The following FBXL7 variants were observed in gnomAD, a reference collection of about 807,000 sequenced individuals.
The protein encoded by FBXL7 is F-box/LRR-repeat protein 7.
A neutral mutation model predicts 38.3 loss-of-function variants in FBXL7; 12 were observed. The ratio of observed to expected loss-of-function variants is 0.31; its 90% CI spans 0.20 to 0.51. The LOEUF (loss-of-function observed/expected upper bound fraction) is 0.51. Among genes scored for constraint, FBXL7 ranks in the 20% least tolerant of loss-of-function variants. The probability of loss-of-function intolerance (pLI) is 0.98; values close to 1 mark genes in which losing one functional copy is unlikely to be tolerated. For synonymous variants in FBXL7, 297 were observed against 300.9 expected, an observed-to-expected ratio of 0.99 and a Z score of 0.13; for missense variants, 567 against 676.4, an observed-to-expected ratio of 0.84 and a Z score of 1.79.
rs1182454864 is a variant in FBXL7 at position 15,649,748 on chromosome 5, GTCTT to G, written c.127+33680_127+33683del. ...TCACCTCAGTGCCCATCTTGTACCT[GTCTT>G]TCTGTTTTCACTTGTTCATTGCTCA... On this transcript the variant is annotated intron_variant, in intron 2 of 3. Transcript: ENST00000504595. 6.1e-5 allele frequency among the ~76,000 whole-genome samples: 9 copies of G among 148,146 alleles called. No individual in the cohort carries two copies. The East Asian group carries it at 1.8e-3, about 29-fold the overall frequency.
intron 2 of FBXL7, among the ~76,000 whole-genome samples, chr5:15,875,707 A>G (rs1367328146): frequency 1.3e-5 from 2 of 152,196 alleles, no homozygotes; most frequent in Admixed American, 6.5e-5. Flanking sequence ...ATGAAATACC[A>G]TCTCACACCA....
chr5:15,541,427 A>ATGTGTGTG (rs1191898019), intron 1 of FBXL7, among the ~76,000 whole-genome samples: 2 of 94,834 alleles, frequency 2.1e-5, no homozygotes, highest in African/African-American at 9.5e-5. Context: ...TACATATAGT[A>ATGTGTGTG]TATATGTGTG....
chr5:15,604,346 T>C (rs367873442), intron 1 of FBXL7, among the ~76,000 whole-genome samples: 3 of 152,132 alleles, frequency 2.0e-5, no homozygotes, highest in Admixed American at 2.0e-4. Context: ...TCAACTTAGA[T>C]AACTTTTATT....
rs527687341 is a variant in FBXL7, at chr5:15,823,341, A to G, written c.128-104549A>G. Among the ~76,000 whole-genome samples, 6 of 152,344 alleles carry G rather than the reference A, an allele frequency of 3.9e-5. No homozygotes were observed. In the South Asian group the frequency reaches 6.2e-4, roughly 16 times the overall value. ...CAAGTATAATCATTAGTTTGTTTCA[A>G]TAACAAATCTCTGAGCTCATCACAG... On this transcript the variant is annotated intron_variant, in intron 2 of 3. Transcript: ENST00000504595.
chr5:15,691,019 G>T (rs547638190), intron 2 of FBXL7, among the ~76,000 whole-genome samples: 17 of 152,340 alleles, frequency 1.1e-4, no homozygotes, highest in Non-Finnish European at 4.4e-5. Context: ...TACTCAGTTT[G>T]TACTTTGAAA....
At chr5:15,527,826 C>T (rs1298880307) in intron 1 of FBXL7, among the ~76,000 whole-genome samples, 1 of 152,194 alleles carries the variant, frequency 6.6e-6, no homozygotes, top group East Asian at 1.9e-4. Flanking sequence ...TTCCATAATA[C>T]TGCCTTAACC....
chr5:15,739,497 T>G (rs2126673124), intron 2 of FBXL7, among the ~76,000 whole-genome samples: 1 of 151,458 alleles, frequency 6.6e-6, no homozygotes, highest in East Asian at 2.0e-4. Context: ...TTTTAGAACT[T>G]TTTTTTATCA....
chr5:15,529,756 G>A (rs1314222207), intron 1 of FBXL7, among the ~76,000 whole-genome samples: 2 of 152,074 alleles, frequency 1.3e-5, no homozygotes, highest in Non-Finnish European at 2.9e-5. Flanking sequence ...TGTTTTTATT[G>A]CCTTCCTTCT....
chr5:15,548,787 C>A (rs1737985677), intron 1 of FBXL7, among the ~76,000 whole-genome samples: 1 of 152,028 alleles, frequency 6.6e-6, no homozygotes, highest in South Asian at 2.1e-4. Context: ...GAAAAATATT[C>A]ATTTATTTGT....
chr5:15,751,405 C>T (rs1186948915), intron 2 of FBXL7, among the ~76,000 whole-genome samples: 1 of 152,146 alleles, frequency 6.6e-6, no homozygotes, highest in Non-Finnish European at 1.5e-5. Flanking sequence ...GAGAACTTAG[C>T]TGCTTTGAAG....
At chr5:15,676,938 T>C (rs1021553590) in intron 2 of FBXL7, among the ~76,000 whole-genome samples, 1 of 152,236 alleles carries the variant, frequency 6.6e-6, no homozygotes, top group Non-Finnish European at 1.5e-5. Flanking sequence ...CATTTTATAT[T>C]CTTTGATTGG....
intron 1 of FBXL7, among the ~76,000 whole-genome samples, chr5:15,582,897 G>GAATATTGGT (rs1739186439): frequency 6.7e-6 from 1 of 149,984 alleles, no homozygotes; most frequent in Admixed American, 6.6e-5. Flanking sequence ...CATCGAGACA[G>GAATATTGGT]AATATTGGTG....
intron 2 of FBXL7, among the ~76,000 whole-genome samples, chr5:15,766,378 T>C (rs145238406): frequency 2.0e-4 from 30 of 152,320 alleles, no homozygotes; most frequent in African/African-American, 7.0e-4. Context: ...ACTAGGAGTA[T>C]GTCTTAATTT....
chr5:15,797,820 G>C (rs1406195879), intron 2 of FBXL7, among the ~76,000 whole-genome samples: 3 of 152,148 alleles, frequency 2.0e-5, no homozygotes, highest in Non-Finnish European at 2.9e-5. Flanking sequence ...TGTGACGTCT[G>C]TGTTTTTAAA....
At chr5:15,520,708 T>G (rs935066052) in intron 1 of FBXL7, among the ~76,000 whole-genome samples, 1 of 152,256 alleles carries the variant, frequency 6.6e-6, no homozygotes, top group Admixed American at 6.5e-5. Flanking sequence ...AAAATTACCT[T>G]TATTTAGCAA....
At chr5:15,917,246 G>A (rs572739523) in intron 2 of FBXL7, among the ~76,000 whole-genome samples, 54 of 152,160 alleles carry the variant, frequency 3.5e-4, no homozygotes, top group African/African-American at 1.2e-3. Flanking sequence ...TATTTTTAAA[G>A]TAAACTTAAA....
chr5:15,670,844 T>G (rs1337168720), intron 2 of FBXL7, among the ~76,000 whole-genome samples: 1 of 151,794 alleles, frequency 6.6e-6, no homozygotes, highest in Non-Finnish European at 1.5e-5. Flanking sequence ...AATAAAAAGT[T>G]AGTGGAATAA....
At chr5:15,692,311 G>A (rs747191798) in intron 2 of FBXL7, among the ~76,000 whole-genome samples, 2 of 152,150 alleles carry the variant, frequency 1.3e-5, no homozygotes, top group African/African-American at 4.8e-5. Context: ...ATAATACTAA[G>A]TATTAGCCCT....
In FBXL7 at chr5:15,938,577, C is replaced by G. The variant is rs1742263773; in HGVS notation, c.*1391C>G. 6.4e-6 allele frequency: 1 copy of G among 156,812 alleles called. No homozygotes were observed. Among genetic ancestry groups the G allele is most frequent in the Non-Finnish European group, 1.4e-5 (1 of 71,346 alleles). 9.7% of individuals were successfully genotyped at this position (156,812 alleles called of 1,614,324 possible). The stretch of plus-strand genomic sequence containing the variant: ...TCCTCCATGTCTGTCTGCGTGTTTT[C>G]CACCAAAGAATGCAAAGCAGACTTC... On this transcript the variant is annotated 3_prime_UTR_variant, in exon 4 of 4. Transcript: ENST00000504595.
Sources: allele counts gnomAD v4.1 joint callset (sites outside exome capture counted in the v4.1 genomes callset), GRCh38; gene constraint gnomAD v4.1.1; transcripts MANE v1.5; gene names NCBI Gene and HGNC (gene_info 2026-07-23, HGNC 2026-07-21).